Variants in RECK observed in about 807,000 individuals in gnomAD.
RECK encodes the protein reversion-inducing cysteine-rich protein with Kazal motifs.
Under a neutral mutation model 115.1 loss-of-function variants are expected in RECK, and 69 were observed. The observed-to-expected ratio is 0.60, with a 90% CI of 0.49 to 0.73. The LOEUF (loss-of-function observed/expected upper bound fraction) is 0.73, where lower values mean the gene tolerates loss of function less well. Among genes scored for constraint, RECK ranks in the 30% least tolerant of loss-of-function variants. The pLI is 0.00. For missense variants in RECK, 1,047 were observed against 1,203.7 expected, an observed-to-expected ratio of 0.87 and a Z score of 1.93; for synonymous variants, 414 against 419.7, an observed-to-expected ratio of 0.99 and a Z score of 0.17.
At chr9:36,080,473 T>C (rs888953741) in intron 6 of RECK, 132 bp from the exon 7 acceptor site, 4 of 741,252 alleles carry the variant, frequency 5.4e-6, no homozygotes, top group Non-Finnish European at 9.0e-6. Flanking sequence ...ACTTCTGTGT[T>C]TTCAGTCTTG....
chr9:36,123,205 G>A lies in RECK; in HGVS notation c.*160G>A, dbSNP rs767570105. The A allele has an allele frequency of 9.0e-6, 5 of 557,600 alleles. No homozygotes were observed. Among genetic ancestry groups the A allele is most frequent in the Non-Finnish European group, 1.6e-5 (5 of 318,476 alleles). 34.5% of individuals were successfully genotyped at this position (557,600 alleles called of 1,614,324 possible). A position where few individuals can be genotyped will look rare whatever the true frequency, so the allele number is the denominator to read the frequency against. ...TTTTTTTAATCCGCCAATATTAGTAGGATTTTTGTTTTGTTTTTACAAATG... is the reference window on the plus strand; with the variant it reads ...TTTTTTTAATCCGCCAATATTAGTAAGATTTTTGTTTTGTTTTTACAAATG... On this transcript the variant is annotated 3_prime_UTR_variant, in exon 21 of 21. Coordinates refer to ENST00000377966, the MANE Select transcript of RECK (RefSeq NM_021111.3).
chr9:36,047,977 C>A (rs1442971116), intron 1 of RECK, among the ~76,000 whole-genome samples: 2 of 151,360 alleles, frequency 1.3e-5, no homozygotes, highest in African/African-American at 4.9e-5. Flanking sequence ...TTCTTTTATT[C>A]ATTTGTTTAC....
In RECK at chr9:36,118,901, G is replaced by A. The variant is rs775316390; in HGVS notation, c.2398G>A (p.Ala800Thr). The A allele has an allele frequency of 1.1e-5, 17 of 1,613,714 alleles. No individual in the cohort carries two copies. The East Asian group carries it at 2.0e-4, about 19-fold the overall frequency. ...VGVLSEHSSVAECASVKCPSL... is the reference protein window; with the variant it reads ...VGVLSEHSSVTECASVKCPSL... ...AGTCCTCTCAGAGCACAGCTCCGTCGCCGAGTGTGCTTCTGTCAAGTGTCC... is the reference window on the plus strand; with the variant it reads ...AGTCCTCTCAGAGCACAGCTCCGTCACCGAGTGTGCTTCTGTCAAGTGTCC... The change falls in exon 18 of 21, where the codon GCC becomes ACC. Residue 800 changes from alanine to threonine, a missense_variant. Ala to Thr is a moderately conservative substitution (Grantham distance 58). Transcript: ENST00000377966.
At chr9:36,066,637 G>A in intron 6 of RECK, 1 of 363,726 alleles carries the variant, frequency 2.7e-6, no homozygotes, top group South Asian at 3.1e-5. Context: ...CTACAGAGAA[G>A]TAAAAGATCT....
Position 36,123,056 on chromosome 9 carries a change from A to G in RECK, c.*11A>G. On this transcript the variant is annotated 3_prime_UTR_variant, in exon 21 of 21. Coordinates refer to ENST00000377966, the MANE Select transcript of RECK (RefSeq NM_021111.3). ...TGGACATATAACTGACTGCCCACGGAAAGTGCAGAATGCTCCTCCACCTCA... is the reference window on the plus strand; with the variant it reads ...TGGACATATAACTGACTGCCCACGGGAAGTGCAGAATGCTCCTCCACCTCA... 2 of 1,605,578 alleles carry G rather than the reference A, an allele frequency of 1.2e-6. No individual in the cohort carries two copies. The highest frequency in any genetic ancestry group is 1.7e-5 in the Admixed American group (1 of 59,738).
rs532538948 is a variant in RECK, at chr9:36,078,742, G to A, written c.406-1863G>A. On this transcript the variant is annotated intron_variant, in intron 6 of 20. Transcript: ENST00000377966. ...TCAAACATATTTATTCAGGTACAAG[G>A]TCAAAAAAAGCCAAACCAAAGGGAA... Among the ~76,000 whole-genome samples the A allele has an allele frequency of 4.6e-5, 7 of 151,978 alleles. No individual in the cohort carries two copies. In the East Asian group the frequency reaches 1.4e-3, roughly 29 times the overall value.
rs146769848 is a variant in RECK at position 36,121,481 on chromosome 9, C to CA, written c.2539-51dup. 7,451 of 1,546,096 alleles carry CA rather than the reference C, an allele frequency of 4.8e-3. 322 individuals carry two copies. In the African/African-American group the frequency reaches 0.089, roughly 18 times the overall value. On this transcript the variant is annotated intron_variant, in intron 19 of 20. Coordinates refer to ENST00000377966, the MANE Select transcript of RECK (RefSeq NM_021111.3). ...GCAGCCCAAAGCAAGGGAGCTTAGG[C>CA]AGTCATAGGAATTCTTCTTTTTTTC...
At chr9:36,040,574 G>C (rs4879949) in intron 1 of RECK, among the ~76,000 whole-genome samples, 46,225 of 151,932 alleles carry the variant, frequency 0.3, 8,408 homozygotes, top group Middle Eastern at 0.47. Context: ...TTTTAAGTAA[G>C]AGTGGTATGA....
chr9:36,062,184 G>A lies in RECK; in HGVS notation c.272-1611G>A, dbSNP rs1588284299. Among the ~76,000 whole-genome samples, 3 of 124,168 alleles carry A rather than the reference G, an allele frequency of 2.4e-5. No homozygotes were observed. In the East Asian group the frequency reaches 6.8e-4, roughly 28 times the overall value. 81.5% of individuals were successfully genotyped at this position (124,168 alleles called of 152,430 possible). ...ACTTTTTTTTTTTTTTTTTTGAGAT[G>A]GAGTTTCACTCTTCTTGCCCAGGCT... On this transcript the variant is annotated intron_variant, in intron 4 of 20. Coordinates refer to ENST00000377966, the MANE Select transcript of RECK (RefSeq NM_021111.3).
In RECK at chr9:36,123,836, ACAT is replaced by A; in HGVS notation, c.*794_*796del. The A allele has an allele frequency of 6.5e-6, 1 of 152,770 alleles. No individual in the cohort carries two copies. The highest frequency in any genetic ancestry group is 1.9e-4 in the East Asian group (1 of 5,192). The allele number at this position is 152,770 out of a possible 1,614,324, so 9.5% of individuals were successfully genotyped here. On this transcript the variant is annotated 3_prime_UTR_variant, in exon 21 of 21. Coordinates refer to ENST00000377966, the MANE Select transcript of RECK (RefSeq NM_021111.3). ...TCCAAGTTAAATGTAGAGTTTTTAAACATCAATCTTTAAACCAATTGCTGCTAC... is the reference window on the plus strand; with the variant it reads ...TCCAAGTTAAATGTAGAGTTTTTAAACAATCTTTAAACCAATTGCTGCTAC...
intron 7 of RECK, among the ~76,000 whole-genome samples, chr9:36,081,980 A>C (rs941870888): frequency 6.6e-6 from 1 of 152,076 alleles, no homozygotes; most frequent in Non-Finnish European, 1.5e-5. Flanking sequence ...GACTTGTCCT[A>C]TATCAGTTCA....
intron 18 of RECK, among the ~76,000 whole-genome samples, chr9:36,120,135 T>G (rs1824404546): frequency 1.3e-5 from 2 of 151,546 alleles, no homozygotes; most frequent in Admixed American, 6.6e-5. Flanking sequence ...CTCTGGAGGC[T>G]GAGGCAGGAG....
chr9:36,052,311 T>G lies in RECK; in HGVS notation c.147T>G (p.Asp49Glu). Residue 49 changes from aspartate to glutamate, a missense_variant, in exon 2 of 21, where the codon GAT (aspartate) becomes GAG (glutamate). Transcript: ENST00000377966. ...CAAAGGATAACCAAATGTGCCGTGA[T>G]GTATGTGAACAGGTAAGATTACATA... Reference protein sequence around the residue: ...NHSKDNQMCRDVCEQIFSSKS... With the variant: ...NHSKDNQMCREVCEQIFSSKS... 6.2e-7 allele frequency: 1 copy of G among 1,608,990 alleles called. No homozygotes were observed. The highest frequency in any genetic ancestry group is 8.5e-7 in the Non-Finnish European group (1 of 1,175,546).
chr9:36,052,435 C>G (rs1316527014), intron 2 of RECK, 112 bp downstream of exon 2: 1 of 683,718 alleles, frequency 1.5e-6, no homozygotes, highest in Non-Finnish European at 2.6e-6. Flanking sequence ...GGGTTCAGGA[C>G]CAGCCAGGAC....
intron 17 of RECK, among the ~76,000 whole-genome samples, chr9:36,118,377 A>T (rs1008059154): frequency 2.6e-5 from 4 of 152,152 alleles, no homozygotes; most frequent in Non-Finnish European, 2.9e-5. Context: ...GCATGAAATG[A>T]TAAGACCTCT....
At chr9:36,077,361 C>G (rs1822490505) in intron 6 of RECK, among the ~76,000 whole-genome samples, 1 of 152,110 alleles carries the variant, frequency 6.6e-6, no homozygotes, top group African/African-American at 2.4e-5. Context: ...TTAAGTTAAT[C>G]CTATAACTCA....
At chr9:36,112,591 A>G in intron 16 of RECK, 115 bp downstream of exon 16, 1 of 1,104,396 alleles carries the variant, frequency 9.1e-7, no homozygotes, top group Non-Finnish European at 1.3e-6. Context: ...GCTGCCCTGA[A>G]GAGTTTGGAG....
intron 3 of RECK, 103 bp from the exon 4 acceptor site, chr9:36,060,016 A>C: frequency 9.8e-7 from 1 of 1,025,232 alleles, no homozygotes; most frequent in South Asian, 1.3e-5. Context: ...CTGTGTAGAC[A>C]TAGCCATAAT....
chr9:36,123,123 A>G lies in RECK; in HGVS notation c.*78A>G, dbSNP rs1326806081. The G allele has an allele frequency of 8.4e-6, 10 of 1,185,344 alleles. No homozygotes were observed. The highest frequency in any genetic ancestry group is 1.5e-5 in the African/African-American group (1 of 65,542). 73.4% of individuals were successfully genotyped at this position (1,185,344 alleles called of 1,614,324 possible). Reference sequence around the variant, plus strand: ...AAGACATTCAGGACTGCTGGTTTGTAGTTGAATATTGGCCAAGGAAAGGCA... The same window carrying G: ...AAGACATTCAGGACTGCTGGTTTGTGGTTGAATATTGGCCAAGGAAAGGCA... On this transcript the variant is annotated 3_prime_UTR_variant, in exon 21 of 21. Transcript: ENST00000377966.
Sources: allele counts gnomAD v4.1 joint callset (sites outside exome capture counted in the v4.1 genomes callset), GRCh38; gene constraint gnomAD v4.1.1; transcripts MANE v1.5; gene names NCBI Gene and HGNC (gene_info 2026-07-23, HGNC 2026-07-21).